The following GRID2 variants were observed in gnomAD, a reference collection of about 807,000 sequenced individuals.
The protein encoded by GRID2 is glutamate receptor ionotropic, delta-2.
A neutral mutation model predicts 114.8 loss-of-function variants in GRID2; 33 were observed. The ratio of observed to expected loss-of-function variants is 0.29; its 90% confidence interval spans 0.22 to 0.38. The LOEUF is 0.38. Ranked by LOEUF, GRID2 falls within the 10% of genes least tolerant of loss-of-function variation. The probability of loss-of-function intolerance (pLI) is 1.00; values close to 1 mark genes in which losing one functional copy is unlikely to be tolerated. For synonymous variants in GRID2, 505 were observed against 449.9 expected, an observed-to-expected ratio of 1.12 and a Z score of -1.55; for missense variants, 1,184 against 1,257.7, an observed-to-expected ratio of 0.94 and a Z score of 0.89.
intron 13 of GRID2, among the ~76,000 whole-genome samples, chr4:93,590,918 T>A (rs1443302589): frequency 1.3e-5 from 2 of 151,166 alleles, no homozygotes; most frequent in Non-Finnish European, 2.9e-5. Flanking sequence ...ATCCTGAGAC[T>A]TTGCTGAAGT....
At chr4:92,608,265 A>G (rs749895227) in intron 2 of GRID2, among the ~76,000 whole-genome samples, 4 of 151,784 alleles carry the variant, frequency 2.6e-5, no homozygotes, top group Admixed American at 6.6e-5. Flanking sequence ...GCATGGAAAG[A>G]CTCATGATTC....
rs557913274 is a variant in GRID2, at chr4:92,845,740, T to G, written c.245-239255T>G. Among the ~76,000 whole-genome samples the G allele has an allele frequency of 9.9e-5, 15 of 152,242 alleles. No homozygotes were observed. In the South Asian group the frequency reaches 2.3e-3, roughly 23 times the overall value. On this transcript the variant is annotated intron_variant, in intron 2 of 15. Transcript: ENST00000282020. ...GAGATAATCCCTTTGACTATCATCC[T>G]AGACCTCTTTATATTCTTCCAAGAA...
rs972793310 is a variant in GRID2, at chr4:92,725,028, C to T, written c.244+134742C>T. 7.2e-5 allele frequency among the ~76,000 whole-genome samples: 11 copies of T among 152,060 alleles called. No individual in the cohort carries two copies. In the East Asian group the frequency reaches 1.4e-3, roughly 19 times the overall value. ...GAATAAGGAGTTAGGGGGCTGGGCG[C>T]GGTGGTTCATGTCTGTAATCCCAGC... On this transcript the variant is annotated intron_variant, in intron 2 of 15. Coordinates refer to ENST00000282020, the MANE Select transcript of GRID2 (RefSeq NM_001510.4).
chr4:92,895,247 G>T (rs1747075631), intron 2 of GRID2, among the ~76,000 whole-genome samples: 2 of 151,562 alleles, frequency 1.3e-5, no homozygotes, highest in Admixed American at 1.3e-4. Flanking sequence ...GCAAAACAAG[G>T]TTCTAAAGAT....
intron 1 of GRID2, among the ~76,000 whole-genome samples, chr4:92,380,997 C>A (rs923906837): frequency 6.6e-6 from 1 of 151,740 alleles, no homozygotes; most frequent in African/African-American, 2.4e-5. Context: ...AAGCAAAAAG[C>A]CCCTTTTCCC....
In GRID2 at chr4:92,779,338, G is replaced by T. The variant is rs72883950; in HGVS notation, c.244+189052G>T. On this transcript the variant is annotated intron_variant, in intron 2 of 15. Coordinates refer to ENST00000282020, the MANE Select transcript of GRID2 (RefSeq NM_001510.4). ...GGCAGAATATATTGCTTTCATTACT[G>T]TTCATTTTCATAAAATCTTTATGTA... Among the ~76,000 whole-genome samples the T allele has an allele frequency of 1.9e-3, 295 of 151,914 alleles. 2 individuals are homozygous for T. Among genetic ancestry groups the T allele is most frequent in the African/African-American group, 6.7e-3 (277 of 41,466 alleles).
chr4:92,640,090 A>G (rs1298599483), intron 2 of GRID2, among the ~76,000 whole-genome samples: 5 of 151,834 alleles, frequency 3.3e-5, no homozygotes, highest in Non-Finnish European at 7.4e-5. Context: ...CATAATGTGC[A>G]TAATCCTCAA....
At chr4:92,964,399 G>C (rs1211006356) in intron 2 of GRID2, among the ~76,000 whole-genome samples, 2 of 151,992 alleles carry the variant, frequency 1.3e-5, no homozygotes, top group Non-Finnish European at 2.9e-5. Flanking sequence ...AGGCATAGGG[G>C]ACAAGAGGAG....
chr4:92,732,120 T>A (rs945584088), intron 2 of GRID2, among the ~76,000 whole-genome samples: 19 of 151,994 alleles, frequency 1.3e-4, no homozygotes, highest in Non-Finnish European at 2.1e-4. Flanking sequence ...GAGCAATGTT[T>A]AGTATATTGT....
Position 93,207,261 on chromosome 4 carries a change from A to T in GRID2, c.736-143A>T, listed in dbSNP as rs1459943095. The T allele has an allele frequency of 5.9e-6, 4 of 683,532 alleles. No homozygotes were observed. In the East Asian group the frequency reaches 8.0e-5, roughly 14 times the overall value. 42.3% of individuals were successfully genotyped at this position (683,532 alleles called of 1,614,324 possible). A position where few individuals can be genotyped will look rare whatever the true frequency, so the allele number is the denominator to read the frequency against. ...GCAAATGCATCTACAGTGTTTTGCTAATAATTTTTCCATCTTCAATTGAGT... is the reference window on the plus strand; with the variant it reads ...GCAAATGCATCTACAGTGTTTTGCTTATAATTTTTCCATCTTCAATTGAGT... On this transcript the variant is annotated intron_variant, in intron 4 of 15. Transcript: ENST00000282020.
chr4:93,700,071 T>C (rs977982093), intron 14 of GRID2, among the ~76,000 whole-genome samples: 2 of 152,120 alleles, frequency 1.3e-5, no homozygotes, highest in Non-Finnish European at 2.9e-5. Context: ...CAGGATCAAA[T>C]ATGCTATTTT....
chr4:93,578,585 GTAT>G lies in GRID2; in HGVS notation c.2194-47682_2194-47680del, dbSNP rs1560772840. Among the ~76,000 whole-genome samples the G allele has an allele frequency of 1.7e-5, 2 of 115,260 alleles. 1 individual carries two copies. 75.6% of individuals were successfully genotyped at this position (115,260 alleles called of 152,430 possible). The stretch of plus-strand genomic sequence containing the variant: ...GAAAAAGAACCTTGTCTTGTTTTTT[GTAT>G]TTTTTTTTTTTTTTTTTTTTTTTGA... On this transcript the variant is annotated intron_variant, in intron 13 of 15. Transcript: ENST00000282020.
At chr4:92,408,739 A>G (rs1430951586) in intron 1 of GRID2, among the ~76,000 whole-genome samples, 1 of 151,778 alleles carries the variant, frequency 6.6e-6, no homozygotes, top group Admixed American at 6.6e-5. Context: ...GTTTGTGACT[A>G]TGATAAATGG....
At chr4:93,482,912 A>G (rs1726017940) in intron 11 of GRID2, among the ~76,000 whole-genome samples, 1 of 151,898 alleles carries the variant, frequency 6.6e-6, no homozygotes. Context: ...AGGAAACCGC[A>G]CTTGTATCTC....
At position 93,773,584 on chromosome 4, in the gene GRID2, G is replaced by C. The variant is rs1734252807; in HGVS notation, c.*1086G>C. On this transcript the variant is annotated 3_prime_UTR_variant, in exon 16 of 16. Coordinates refer to ENST00000282020, the MANE Select transcript of GRID2 (RefSeq NM_001510.4). ...ATCTAAATGAAAAATGCTATTAGCT[G>C]AACCACATCCACAACAGCACATAGA... 1 of 151,976 alleles carries C rather than the reference G, an allele frequency of 6.6e-6. No individual in the cohort carries two copies. The highest frequency in any genetic ancestry group is 1.5e-5 in the Non-Finnish European group (1 of 67,954). The allele number at this position is 151,976 out of a possible 1,614,324, so 9.4% of individuals were successfully genotyped here.
chr4:93,516,631 A>G (rs982464429), intron 13 of GRID2, among the ~76,000 whole-genome samples: 1 of 152,014 alleles, frequency 6.6e-6, no homozygotes, highest in Non-Finnish European at 1.5e-5. Context: ...GAGTTTCAAC[A>G]TGGTTCTCCC....
At chr4:93,551,188 T>A (rs892294420) in intron 13 of GRID2, among the ~76,000 whole-genome samples, 1 of 152,200 alleles carries the variant, frequency 6.6e-6, no homozygotes, top group Non-Finnish European at 1.5e-5. Flanking sequence ...CAGGTAACCA[T>A]GTGGAGGAAA....
chr4:92,758,659 CT>C (rs1294158556), intron 2 of GRID2, among the ~76,000 whole-genome samples: 1 of 152,106 alleles, frequency 6.6e-6, no homozygotes, highest in Admixed American at 6.5e-5. Flanking sequence ...AATAAAAATA[CT>C]TCTAACAATA....
intron 12 of GRID2, among the ~76,000 whole-genome samples, chr4:93,508,892 G>C (rs1331787736): frequency 1.3e-5 from 2 of 152,192 alleles, no homozygotes; most frequent in African/African-American, 4.8e-5. Flanking sequence ...CAGGTAGACA[G>C]AGAAGCATCT....
Sources: allele counts gnomAD v4.1 joint callset (sites outside exome capture counted in the v4.1 genomes callset), GRCh38; gene constraint gnomAD v4.1.1; transcripts MANE v1.5; gene names NCBI Gene and HGNC (gene_info 2026-07-23, HGNC 2026-07-21).